The following RPE65 variants were observed in gnomAD, a reference collection of about 807,000 sequenced individuals.
RPE65 encodes retinoid isomerohydrolase RPE65, also known as retinoid isomerohydrolase.
In RPE65, 58 loss-of-function variants were observed where a neutral mutation model predicts 68.5. The ratio of observed to expected loss-of-function variants is 0.85; its 90% CI spans 0.69 to 1.05. RPE65 has a LOEUF of 1.05. RPE65 is among the 50% of genes least tolerant of loss of function. RPE65 has a pLI of 0.00. For synonymous variants in RPE65, 220 were observed against 222.2 expected, an observed-to-expected ratio of 0.99 and a Z score of 0.09; for missense variants, 643 against 629.9, an observed-to-expected ratio of 1.02 and a Z score of -0.22.
chr1:68,429,549 T>C lies in RPE65; in HGVS notation c.*227A>G. 1.8e-6 allele frequency: 1 copy of C among 548,426 alleles called. No individual in the cohort carries two copies. Among genetic ancestry groups the C allele is most frequent in the Non-Finnish European group, 3.2e-6 (1 of 308,222 alleles). The allele number at this position is 548,426 out of a possible 1,614,324, so 34.0% of individuals were successfully genotyped here. A position where few individuals can be genotyped will look rare whatever the true frequency, so the allele number is the denominator to read the frequency against. The stretch of plus-strand genomic sequence containing the variant: ...TAAATATTTAAGAGTTTTTCAGTTA[T>C]GGCCTGTCTCACAGAGGAAGTATGA... On this transcript the variant is annotated 3_prime_UTR_variant, in exon 14 of 14. Transcript: ENST00000262340.
chr1:68,444,660 G>A lies in RPE65; in HGVS notation c.366C>T (p.Tyr122=), dbSNP rs1479443954. The part of the protein sequence containing the change: ...CKNIFSRFFS[Y]FRGVEVTDNA... ...TGTCAGTAACCTCTACTCCTCGAAA[G>A]TAAGAAAAAAACCTGTAGAAACAAA... The change falls in exon 5 of 14, where the codon TAC becomes TAT. Residue 122 remains tyrosine, a synonymous_variant. Coordinates refer to ENST00000262340, the MANE Select transcript of RPE65 (RefSeq NM_000329.3). 1.2e-6 allele frequency: 2 copies of A among 1,613,974 alleles called. No homozygotes were observed. The highest frequency in any genetic ancestry group is 1.7e-6 in the Non-Finnish European group (2 of 1,179,984).
At chr1:68,432,553 G>C (rs1645834679) in intron 10 of RPE65, among the ~76,000 whole-genome samples, 1 of 152,070 alleles carries the variant, frequency 6.6e-6, no homozygotes, top group African/African-American at 2.4e-5. Context: ...GGAGGATGCT[G>C]AGTGTGTTTG....
chr1:68,444,755 A>G, intron 4 of RPE65, 21 bp downstream of exon 4: 1 of 1,614,040 alleles, frequency 6.2e-7, no homozygotes, highest in Non-Finnish European at 8.5e-7. Flanking sequence ...CTTGAGTAAC[A>G]TTCAGTTTGG....
In RPE65 at chr1:68,439,388, T is replaced by C. The variant is rs1014875555; in HGVS notation, c.726-65A>G. ...GATTCTCAAGCCACAGACAAATTTG[T>C]ATATATGTGGTATGCTCAGTTACAA... On this transcript the variant is annotated intron_variant, in intron 7 of 13. Coordinates refer to ENST00000262340, the MANE Select transcript of RPE65 (RefSeq NM_000329.3). 33 of 1,605,638 alleles carry C rather than the reference T, an allele frequency of 2.1e-5. 1 individual carries two copies. The highest frequency in any genetic ancestry group is 1.5e-4 in the South Asian group (14 of 90,852).
rs566166623 is a variant in RPE65, at chr1:68,431,675, C to A, written c.1129-90G>T. ...GTTCTTAAGTCTTGGCTCCTAAGTT[C>A]TTTTTTAGGTCAACATGCAGGGAGG... On this transcript the variant is annotated intron_variant, in intron 10 of 13. Coordinates refer to ENST00000262340, the MANE Select transcript of RPE65 (RefSeq NM_000329.3). 2.5e-4 allele frequency: 280 copies of A among 1,106,040 alleles called. 6 individuals are homozygous for A. In the South Asian group the frequency reaches 3.3e-3, roughly 13 times the overall value. 68.5% of individuals were successfully genotyped at this position (1,106,040 alleles called of 1,614,324 possible).
chr1:68,431,822 C>T (rs1220096326), intron 10 of RPE65, among the ~76,000 whole-genome samples: 1 of 151,916 alleles, frequency 6.6e-6, no homozygotes, highest in Non-Finnish European at 1.5e-5. Flanking sequence ...CATCAATTTT[C>T]TCTTCAGTAA....
At chr1:68,442,149 C>T (rs1386651783) in intron 5 of RPE65, among the ~76,000 whole-genome samples, 1 of 152,162 alleles carries the variant, frequency 6.6e-6, no homozygotes, top group Non-Finnish European at 1.5e-5. Context: ...CTGCATTAGA[C>T]CAATAAGCCG....
chr1:68,437,444 G>T (rs933267653), intron 10 of RPE65, among the ~76,000 whole-genome samples: 8 of 152,116 alleles, frequency 5.3e-5, no homozygotes, highest in African/African-American at 1.9e-4. Context: ...GTTCTAAATT[G>T]AGTTTATTTT....
At chr1:68,430,011 G>T in intron 13 of RPE65, 84 bp from the exon 14 acceptor site, 1 of 1,529,436 alleles carries the variant, frequency 6.5e-7, no homozygotes, top group South Asian at 1.1e-5. Context: ...AATATAGGAG[G>T]TATTACATTG....
rs1645896949 is a variant in RPE65, at chr1:68,440,853, C to T, written c.643G>A (p.Asp215Asn). 1 of 1,613,896 alleles carries T rather than the reference C, an allele frequency of 6.2e-7. No individual in the cohort carries two copies. The highest frequency in any genetic ancestry group is 8.5e-7 in the Non-Finnish European group (1 of 1,179,830). The change falls in exon 6 of 14, where the codon GAC (aspartate) becomes AAC (asparagine). Residue 215 changes from aspartate (D) to asparagine (N), a missense_variant and splice_region_variant. Transcript: ENST00000262340. ...GAAGAGGACAGATTGGTAAACTCAC[C>T]TGCTTGCAGTGGTGGGATCTTTACA... ...NIVKIPPLQA[D>N]KEDPISKSEI...
chr1:68,437,750 T>A (rs1315825567), intron 10 of RPE65, among the ~76,000 whole-genome samples: 1 of 152,194 alleles, frequency 6.6e-6, no homozygotes, highest in Non-Finnish European at 1.5e-5. Flanking sequence ...GTGATATTTT[T>A]CAGAAGATTT....
intron 10 of RPE65, among the ~76,000 whole-genome samples, chr1:68,433,034 C>T (rs999496592): frequency 6.6e-6 from 1 of 152,124 alleles, no homozygotes; most frequent in Non-Finnish European, 1.5e-5. Context: ...ATAGGAACTA[C>T]AGGTGGAGTA....
chr1:68,435,807 C>T (rs1645858987), intron 10 of RPE65, among the ~76,000 whole-genome samples: 1 of 152,178 alleles, frequency 6.6e-6, no homozygotes, highest in African/African-American at 2.4e-5. Context: ...CCTGAGAGTA[C>T]TACTCCTGTG....
intron 10 of RPE65, among the ~76,000 whole-genome samples, chr1:68,436,141 A>G (rs1204653226): frequency 6.6e-6 from 1 of 152,206 alleles, no homozygotes; most frequent in African/African-American, 2.4e-5. Context: ...TTATTTCCTT[A>G]AAGATGATTG....
chr1:68,439,788 C>T (rs1027558521), intron 6 of RPE65, 146 bp from the exon 7 acceptor site: 4 of 704,080 alleles, frequency 5.7e-6, no homozygotes, highest in African/African-American at 5.4e-5. Flanking sequence ...ATTTGCACTT[C>T]TTAGTGAAAT....
chr1:68,429,823 C>T lies in RPE65; in HGVS notation c.1555G>A (p.Glu519Lys), dbSNP rs373274945. 5 of 1,613,732 alleles carry T rather than the reference C, an allele frequency of 3.1e-6. No homozygotes were observed. The highest frequency in any genetic ancestry group is 1.1e-5 in the South Asian group (1 of 91,072). The change falls in exon 14 of 14, where the codon GAG becomes AAG. Residue 519 changes from glutamate (E) to lysine (K), a missense_variant. Transcript: ENST00000262340. ...DLSEVARAEV[E>K]INIPVTFHGL... is the part of the protein sequence containing the mutation. ...TGAAAGGTGACAGGGATGTTAATCTCCACTTCAGCCCGGGCAACTTCACTT... is the reference window on the plus strand; with the variant it reads ...TGAAAGGTGACAGGGATGTTAATCTTCACTTCAGCCCGGGCAACTTCACTT...
In RPE65 at chr1:68,446,874, G is replaced by C. The variant is rs745691559; in HGVS notation, c.95-14C>G. The C allele has an allele frequency of 1.2e-6, 2 of 1,612,954 alleles. No individual in the cohort carries two copies. Among genetic ancestry groups the C allele is most frequent in the Non-Finnish European group, 1.7e-6 (2 of 1,180,022 alleles). On this transcript the variant is annotated splice_polypyrimidine_tract_variant and intron_variant, in intron 2 of 13. Transcript: ENST00000262340. The stretch of plus-strand genomic sequence containing the variant: ...GGGGGATCCTGCCTGTGATGAAGGG[G>C]AGACAGAACATTGCTTCTTATCCCT...
At chr1:68,430,406 A>G (rs1645817619) in intron 13 of RPE65, among the ~76,000 whole-genome samples, 1 of 152,226 alleles carries the variant, frequency 6.6e-6, no homozygotes, top group Non-Finnish European at 1.5e-5. Context: ...CTTCGAACAA[A>G]ATGAGAACAA....
rs140066022 is a variant in RPE65, at chr1:68,441,438, G to A, written c.496-438C>T. On this transcript the variant is annotated intron_variant, in intron 5 of 13. Transcript: ENST00000262340. ...TATGTAAATACCAACTATATGTCTT[G>A]CACATGGTACTGTATGAGTTTGGAA... is the stretch of plus-strand genomic sequence containing the variant. Among the ~76,000 whole-genome samples, 8 of 151,740 alleles carry A rather than the reference G, an allele frequency of 5.3e-5. No homozygotes were observed. In the East Asian group the frequency reaches 1.5e-3, roughly 29 times the overall value.
Sources: gnomAD v4.1 joint callset for allele counts (sites outside exome capture counted in the v4.1 genomes callset) on GRCh38, gnomAD v4.1.1 for gene constraint, MANE v1.5 for transcripts, NCBI Gene and HGNC (gene_info 2026-07-23, HGNC 2026-07-21) for gene names.